The following NALCN variants were observed in gnomAD, a reference collection of about 807,000 sequenced individuals.
The protein encoded by NALCN is sodium leak channel NALCN.
In NALCN, 111 loss-of-function variants were observed where a neutral mutation model predicts 225.3. The ratio of observed to expected loss-of-function variants is 0.49; its 90% CI spans 0.42 to 0.58. NALCN has a LOEUF of 0.58. Among genes scored for constraint, NALCN ranks in the 20% least tolerant of loss-of-function variants. NALCN has a pLI of 0.00. For synonymous variants in NALCN, 764 were observed against 769.0 expected (o/e 0.99, Z 0.11); for missense variants, 1,378 against 2,202.4 (o/e 0.63, Z 7.49).
At chr13:101,179,988 C>T (rs1452372583) in intron 14 of NALCN, among the ~76,000 whole-genome samples, 3 of 152,110 alleles carry the variant, frequency 2.0e-5, no homozygotes, top group African/African-American at 7.2e-5. Context: ...GGCTTTCTCT[C>T]TGTGTCTTGT....
At chr13:101,101,662 G>T (rs1194073934) in intron 26 of NALCN, among the ~76,000 whole-genome samples, 9 of 152,144 alleles carry the variant, frequency 5.9e-5, no homozygotes, top group African/African-American at 1.9e-4. Flanking sequence ...TGTGCGTTAG[G>T]AGAATGTTCT....
intron 3 of NALCN, among the ~76,000 whole-genome samples, chr13:101,393,685 T>C (rs1328505590): frequency 2.0e-5 from 3 of 152,048 alleles, no homozygotes; most frequent in African/African-American, 7.2e-5. Context: ...CTTATGCCTG[T>C]AATCCCAGCT....
intron 17 of NALCN, among the ~76,000 whole-genome samples, chr13:101,134,681 A>G (rs2036682905): frequency 1.3e-5 from 2 of 152,232 alleles, no homozygotes; most frequent in African/African-American, 4.8e-5. Context: ...TTGTAATATT[A>G]GAAACTAAAC....
At chr13:101,377,643 A>G (rs977135555) in intron 4 of NALCN, among the ~76,000 whole-genome samples, 5 of 152,186 alleles carry the variant, frequency 3.3e-5, no homozygotes, top group African/African-American at 7.2e-5. Flanking sequence ...ATCAACAAAC[A>G]CTATGATGAG....
chr13:101,097,006 C>G (rs2034545080), intron 27 of NALCN, among the ~76,000 whole-genome samples: 1 of 149,416 alleles, frequency 6.7e-6, no homozygotes, highest in Non-Finnish European at 1.5e-5. Flanking sequence ...GGACCAGCAT[C>G]CCAGCAGAAG....
chr13:101,095,930 T>A (rs901047646), intron 27 of NALCN, among the ~76,000 whole-genome samples: 1 of 152,086 alleles, frequency 6.6e-6, no homozygotes, highest in Non-Finnish European at 1.5e-5. Context: ...GATATGCAAA[T>A]GGCCAAAAAG....
intron 12 of NALCN, among the ~76,000 whole-genome samples, chr13:101,232,139 G>A (rs1348224368): frequency 2.0e-5 from 3 of 152,042 alleles, no homozygotes; most frequent in South Asian, 2.1e-4. Context: ...AAGAAAGGTA[G>A]GTGAAGACAT....
intron 10 of NALCN, among the ~76,000 whole-genome samples, chr13:101,265,407 G>A (rs2042564518): frequency 6.6e-6 from 1 of 152,116 alleles, no homozygotes; most frequent in Non-Finnish European, 1.5e-5. Context: ...GAGACAATGA[G>A]TCTGGAACAA....
At chr13:101,320,811 A>G (rs1196909190) in intron 7 of NALCN, among the ~76,000 whole-genome samples, 2 of 152,168 alleles carry the variant, frequency 1.3e-5, no homozygotes, top group Non-Finnish European at 2.9e-5. Context: ...GGGGATAGCT[A>G]TAAAATCTGC....
At position 101,058,001 on chromosome 13, in the gene NALCN, C is replaced by A. The variant is rs199629052; in HGVS notation, c.4961G>T (p.Arg1654Leu). 6.2e-7 allele frequency: 1 copy of A among 1,613,830 alleles called. No homozygotes were observed. Among genetic ancestry groups the A allele is most frequent in the South Asian group, 1.1e-5 (1 of 91,084 alleles). The change falls in exon 43 of 44, where the codon CGG becomes CTG. Residue 1654 changes from arginine to leucine, a missense_variant. Physicochemically the swap from Arg to Leu is moderately radical, Grantham distance 102. Around this residue, in one of 19 missense-constraint regions of NALCN, gnomAD observed 145 missense variants for 169.6 expected, o/e 0.85. Coordinates refer to ENST00000251127, the MANE Select transcript of NALCN (RefSeq NM_052867.4). ...TTTCCCTGCGTCGGCTGCATCTTGCCGACTTCCTCCTCGATCCGACAGCGT... is the reference window on the plus strand; with the variant it reads ...TTTCCCTGCGTCGGCTGCATCTTGCAGACTTCCTCCTCGATCCGACAGCGT... ...SPTLSDRGGSRQDAADAGKPQ... is the reference protein window; with the variant it reads ...SPTLSDRGGSLQDAADAGKPQ...
chr13:101,256,724 A>G (rs1311831911), intron 11 of NALCN, among the ~76,000 whole-genome samples: 1 of 148,638 alleles, frequency 6.7e-6, no homozygotes, highest in Admixed American at 6.7e-5. Flanking sequence ...TGTGTTAGAA[A>G]TTTACCTGCA....
At chr13:101,202,795 C>T (rs539407880) in intron 13 of NALCN, among the ~76,000 whole-genome samples, 1 of 152,300 alleles carries the variant, frequency 6.6e-6, no homozygotes, top group East Asian at 1.9e-4. Context: ...TCAGCCACCT[C>T]CATCACTGCT....
intron 13 of NALCN, among the ~76,000 whole-genome samples, chr13:101,228,493 T>G (rs571316): frequency 6.6e-6 from 1 of 151,828 alleles, no homozygotes; most frequent in Non-Finnish European, 1.5e-5. Context: ...CTGCTGCTCT[T>G]GTGGTAGTGA....
At chr13:101,282,414 A>G (rs1162625439) in intron 10 of NALCN, among the ~76,000 whole-genome samples, 1 of 152,210 alleles carries the variant, frequency 6.6e-6, no homozygotes. Flanking sequence ...ACAGAAAGAC[A>G]AACACCGCAT....
At chr13:101,174,565 A>G (rs2038880918) in intron 15 of NALCN, among the ~76,000 whole-genome samples, 1 of 152,218 alleles carries the variant, frequency 6.6e-6, no homozygotes, top group Non-Finnish European at 1.5e-5. Flanking sequence ...ATGACAAAAA[A>G]TTTAAGTAGG....
At position 101,256,089 on chromosome 13, in the gene NALCN, G is replaced by A. The variant is rs988558231; in HGVS notation, c.1266+2354C>T. On this transcript the variant is annotated intron_variant, in intron 11 of 43. Transcript: ENST00000251127. ...AGCCAGCGCCTTAGCTTCAACAGTC[G>A]TTTCCATTTCTGCCTTGACTCCATC... Among the ~76,000 whole-genome samples the A allele has an allele frequency of 7.9e-5, 12 of 152,054 alleles. No homozygotes were observed. In the East Asian group the frequency reaches 1.4e-3, roughly 17 times the overall value.
At chr13:101,325,191 G>T (rs761931145) in intron 7 of NALCN, among the ~76,000 whole-genome samples, 42 of 152,146 alleles carry the variant, frequency 2.8e-4, no homozygotes, top group Non-Finnish European at 5.4e-4. Flanking sequence ...GTAACAAATG[G>T]GCTGACTTTA....
At chr13:101,107,018 G>A (rs1475708994) in intron 22 of NALCN, among the ~76,000 whole-genome samples, 1 of 152,064 alleles carries the variant, frequency 6.6e-6, no homozygotes, top group South Asian at 2.1e-4. Context: ...GTGAACAGTG[G>A]GTTTCCTTCT....
chr13:101,401,406 T>C (rs1040701011), intron 1 of NALCN, among the ~76,000 whole-genome samples: 4 of 152,000 alleles, frequency 2.6e-5, no homozygotes, highest in Non-Finnish European at 4.4e-5. Flanking sequence ...GATACAATCT[T>C]TTAGAAATCC....
Sources: gnomAD v4.1 joint callset for allele counts (sites outside exome capture counted in the v4.1 genomes callset) on GRCh38, gnomAD v4.1.1 for gene constraint, gnomAD v4.1.1 regional missense constraint, MANE v1.5 for transcripts, NCBI Gene and HGNC (gene_info 2026-07-23, HGNC 2026-07-21) for gene names.